MAP2K4: variants seen among roughly 807,000 people sequenced by gnomAD.
MAP2K4 encodes the protein dual specificity mitogen-activated protein kinase kinase 4.
MAP2K4 carries 4 observed loss-of-function variants against 48.5 expected under a neutral mutation model. That is an observed-to-expected ratio of 0.08 (90% CI 0.04 to 0.19). MAP2K4 has a LOEUF of 0.19. Among genes scored for constraint, MAP2K4 ranks in the 10% least tolerant of loss-of-function variants. The pLI is 1.00. For missense variants in MAP2K4, 258 were observed against 493.3 expected, an observed-to-expected ratio of 0.52 and a Z score of 4.52; for synonymous variants, 166 against 173.1, an observed-to-expected ratio of 0.96 and a Z score of 0.32.
intron 1 of MAP2K4, among the ~76,000 whole-genome samples, chr17:12,033,274 T>G (rs1033560907): frequency 1.3e-5 from 2 of 152,230 alleles, no homozygotes; most frequent in African/African-American, 4.8e-5. Flanking sequence ...CTGCTTTTTA[T>G]TCATGAACTG....
At chr17:12,063,536 C>T (rs1970519099) in intron 2 of MAP2K4, among the ~76,000 whole-genome samples, 2 of 152,122 alleles carry the variant, frequency 1.3e-5, no homozygotes, top group Admixed American at 1.3e-4. Context: ...CTCTATAAAG[C>T]TTCTAAAAGA....
intron 1 of MAP2K4, among the ~76,000 whole-genome samples, chr17:12,034,245 C>T (rs979670853): frequency 2.0e-5 from 3 of 152,204 alleles, no homozygotes; most frequent in African/African-American, 7.2e-5. Context: ...GCTTTTGAAT[C>T]TTCTAAATGG....
chr17:12,098,226 T>A (rs1329837964), intron 4 of MAP2K4, among the ~76,000 whole-genome samples: 1 of 152,120 alleles, frequency 6.6e-6, no homozygotes, highest in African/African-American at 2.4e-5. Flanking sequence ...AAGCCTGTAA[T>A]CCCAGCACTT....
intron 1 of MAP2K4, among the ~76,000 whole-genome samples, chr17:12,050,638 C>T (rs989940196): frequency 1.3e-5 from 2 of 152,056 alleles, no homozygotes; most frequent in African/African-American, 2.4e-5. Flanking sequence ...TGGCCAAGAT[C>T]GAAGCAAACT....
rs565891216 is a variant in MAP2K4 at position 12,117,781 on chromosome 17, G to A, written c.813+4421G>A. Among the ~76,000 whole-genome samples the A allele has an allele frequency of 5.9e-5, 9 of 152,270 alleles. No individual in the cohort carries two copies. In the South Asian group the frequency reaches 1.9e-3, roughly 32 times the overall value. On this transcript the variant is annotated intron_variant, in intron 7 of 10. Coordinates refer to ENST00000353533, the MANE Select transcript of MAP2K4 (RefSeq NM_003010.4). ...AGAAACTGGACAATGGTGTAAATGTGAAATGTCTTACAGAAAAGTGTGGTG... is the reference window on the plus strand; with the variant it reads ...AGAAACTGGACAATGGTGTAAATGTAAAATGTCTTACAGAAAAGTGTGGTG...
chr17:12,076,261 G>A (rs1489527645), intron 2 of MAP2K4, among the ~76,000 whole-genome samples: 1 of 145,342 alleles, frequency 6.9e-6, no homozygotes, highest in Non-Finnish European at 1.5e-5. Flanking sequence ...TAATGTTCTG[G>A]GACATTATGT....
intron 1 of MAP2K4, 56 bp downstream of exon 1, chr17:12,021,057 T>G: frequency 9.2e-7 from 1 of 1,082,032 alleles, no homozygotes; most frequent in Non-Finnish European, 1.2e-6. Flanking sequence ...ACCCGCGTCG[T>G]CGCGGCCTGC....
intron 9 of MAP2K4, among the ~76,000 whole-genome samples, chr17:12,135,783 C>T (rs905103133): frequency 6.6e-6 from 1 of 152,124 alleles, no homozygotes; most frequent in Non-Finnish European, 1.5e-5. Context: ...CTCCTGACCT[C>T]AGGTGATCCG....
chr17:12,125,209 T>C (rs1972817355), intron 7 of MAP2K4, 85 bp from the exon 8 acceptor site: 2 of 896,088 alleles, frequency 2.2e-6, no homozygotes, highest in Non-Finnish European at 3.8e-6. Flanking sequence ...ACTGGCATTT[T>C]GGCTGTCTAC....
In MAP2K4 at chr17:12,095,731, T is replaced by G. The variant is rs553818043; in HGVS notation, c.513+37T>G. 13 of 1,603,158 alleles carry G rather than the reference T, an allele frequency of 8.1e-6. No homozygotes were observed. The South Asian group carries it at 1.3e-4, about 17-fold the overall frequency. On this transcript the variant is annotated intron_variant, in intron 4 of 10. Transcript: ENST00000353533. The stretch of plus-strand genomic sequence containing the variant: ...CTGGGTTTTAGCTGACTAATGAATA[T>G]CTAATTGGGACAAATGAAGATGGCA...
intron 9 of MAP2K4, among the ~76,000 whole-genome samples, chr17:12,133,606 A>AT (rs375757492): frequency 2.6e-5 from 4 of 152,016 alleles, no homozygotes; most frequent in East Asian, 3.9e-4. Flanking sequence ...CACCATTGGA[A>AT]TTTTTTTTAG....
chr17:12,143,100 G>A lies in MAP2K4; in HGVS notation c.*1840G>A, dbSNP rs1973425585. On this transcript the variant is annotated 3_prime_UTR_variant, in exon 11 of 11. Transcript: ENST00000353533. ...CTCCCCCACGGTATCCTAAACTTTA[G>A]ACTTCCCACTGTTCTGAAAGGAGAC... The A allele has an allele frequency of 4.3e-6, 1 of 232,854 alleles. No homozygotes were observed. Among genetic ancestry groups the A allele is most frequent in the Admixed American group, 5.6e-5 (1 of 17,760 alleles). The allele number at this position is 232,854 out of a possible 1,614,324, so 14.4% of individuals were successfully genotyped here.
intron 9 of MAP2K4, among the ~76,000 whole-genome samples, chr17:12,135,538 T>C (rs1423609740): frequency 1.3e-5 from 2 of 152,088 alleles, no homozygotes; most frequent in African/African-American, 4.8e-5. Flanking sequence ...CTGGCCTGGA[T>C]AAGCATTTTA....
At chr17:12,077,421 G>A (rs1313783807) in intron 2 of MAP2K4, among the ~76,000 whole-genome samples, 1 of 152,180 alleles carries the variant, frequency 6.6e-6, no homozygotes, top group Non-Finnish European at 1.5e-5. Context: ...ACAACAACAA[G>A]GATAGGAACA....
At chr17:12,129,422 C>T in intron 9 of MAP2K4, 135 bp downstream of exon 9, 1 of 967,098 alleles carries the variant, frequency 1.0e-6, no homozygotes, top group Admixed American at 2.1e-5. Context: ...AGCTGGGACT[C>T]TGGATCACTG....
intron 1 of MAP2K4, among the ~76,000 whole-genome samples, chr17:12,049,236 C>T (rs561793286): frequency 6.6e-6 from 1 of 152,234 alleles, no homozygotes; most frequent in South Asian, 2.1e-4. Flanking sequence ...AATGACAGCT[C>T]CCCTCTCTGC....
At chr17:12,052,041 C>G (rs1440776879) in intron 1 of MAP2K4, among the ~76,000 whole-genome samples, 1 of 152,028 alleles carries the variant, frequency 6.6e-6, no homozygotes, top group African/African-American at 2.4e-5. Context: ...TGGGGCCTTC[C>G]TTTTCCTCCT....
chr17:12,037,273 AAAGAGG>A (rs1387543075), intron 1 of MAP2K4, among the ~76,000 whole-genome samples: 1 of 152,170 alleles, frequency 6.6e-6, no homozygotes. Context: ...AGGAAACCAT[AAAGAGG>A]AAGAAGGATG....
At chr17:12,125,869 T>A (rs923888466) in intron 8 of MAP2K4, among the ~76,000 whole-genome samples, 1 of 152,226 alleles carries the variant, frequency 6.6e-6, no homozygotes, top group African/African-American at 2.4e-5. Context: ...CTGAAAGTAA[T>A]TCAGTTTTTG....
Sources: allele counts gnomAD v4.1 joint callset (sites outside exome capture counted in the v4.1 genomes callset), GRCh38; gene constraint gnomAD v4.1.1; transcripts MANE v1.5; gene names NCBI Gene and HGNC (gene_info 2026-07-23, HGNC 2026-07-21).